ZHX3: variants seen among roughly 807,000 people sequenced by gnomAD.
The protein encoded by ZHX3 is zinc fingers and homeoboxes 3.
ZHX3 carries 20 observed loss-of-function variants against 64.5 expected under a neutral mutation model. That is an observed-to-expected ratio of 0.31 (90% CI 0.22 to 0.45). ZHX3 has a LOEUF of 0.45. Ranked by LOEUF, ZHX3 falls within the 20% of genes least tolerant of loss-of-function variation. The pLI is 1.00. For missense variants in ZHX3, 1,041 were observed against 1,195.8 expected (o/e 0.87, Z 1.91); for synonymous variants, 423 against 461.6 (o/e 0.92, Z 1.07).
chr20:41,285,921 G>C (rs2043914159), intron 1 of ZHX3, among the ~76,000 whole-genome samples: 1 of 152,182 alleles, frequency 6.6e-6, no homozygotes, highest in Admixed American at 6.5e-5. Flanking sequence ...GCCTAGTACA[G>C]AGTAAATGAT....
intron 1 of ZHX3, chr20:41,316,886 C>T (rs1600686868): frequency 6.6e-6 from 1 of 152,442 alleles, no homozygotes; most frequent in East Asian, 1.9e-4. Flanking sequence ...ATCCGAGGAC[C>T]TGGGGCCCAC....
intron 2 of ZHX3, among the ~76,000 whole-genome samples, chr20:41,233,961 C>T: frequency 6.6e-6 from 1 of 152,196 alleles, no homozygotes; most frequent in East Asian, 1.9e-4. Context: ...CTCACCCTTG[C>T]AGATTGTACA....
At chr20:41,265,542 A>C (rs1238905693) in intron 2 of ZHX3, among the ~76,000 whole-genome samples, 1 of 152,152 alleles carries the variant, frequency 6.6e-6, no homozygotes, top group Non-Finnish European at 1.5e-5. Flanking sequence ...TGATCAGTAC[A>C]GAAAAACTTA....
intron 1 of ZHX3, among the ~76,000 whole-genome samples, chr20:41,288,610 C>G (rs1291698895): frequency 6.6e-6 from 1 of 152,186 alleles, no homozygotes; most frequent in African/African-American, 2.4e-5. Context: ...CAAATCTTAG[C>G]TAGCCAGAAT....
At chr20:41,307,004 G>C (rs540889292) in intron 1 of ZHX3, among the ~76,000 whole-genome samples, 1 of 152,200 alleles carries the variant, frequency 6.6e-6, no homozygotes, top group African/African-American at 2.4e-5. Flanking sequence ...CAAGAAATGG[G>C]CTTGCCAAAG....
intron 2 of ZHX3, among the ~76,000 whole-genome samples, chr20:41,220,692 T>TTTTG (rs1555838271): frequency 6.6e-6 from 1 of 151,924 alleles, no homozygotes; most frequent in East Asian, 1.9e-4. Flanking sequence ...TTTTGTTTTG[T>TTTTG]TTTTGTTTTG....
At chr20:41,205,097 T>C in intron 2 of ZHX3, 31 bp from the exon 3 acceptor site, 1 of 1,063,802 alleles carries the variant, frequency 9.4e-7, no homozygotes, top group Non-Finnish European at 1.2e-6. Flanking sequence ...ATGATTAAGT[T>C]CTCTTAAGTG....
intron 3 of ZHX3, among the ~76,000 whole-genome samples, chr20:41,191,792 C>T (rs761470123): frequency 6.6e-6 from 1 of 152,166 alleles, no homozygotes; most frequent in Non-Finnish European, 1.5e-5. Context: ...CTGTGATTTC[C>T]TCAGTGGCTG....
At chr20:41,276,325 GT>G (rs1197356376) in intron 1 of ZHX3, among the ~76,000 whole-genome samples, 1 of 152,028 alleles carries the variant, frequency 6.6e-6, no homozygotes, top group African/African-American at 2.4e-5. Flanking sequence ...GTATATCCTA[GT>G]ACTCCTTAGC....
rs80299165 is a variant in ZHX3 at position 41,284,949 on chromosome 20, C to T, written c.-244-15866G>A. ...TAGTTTTTCCCCTTACTATCTGGTA[C>T]ACCTTTCTTCCTCCATATACTTCCT... On this transcript the variant is annotated intron_variant, in intron 1 of 3. Transcript: ENST00000683867. Among the ~76,000 whole-genome samples the T allele has an allele frequency of 3.6e-3, 545 of 152,234 alleles. 5 individuals carry two copies. Among genetic ancestry groups the T allele is most frequent in the African/African-American group, 0.013 (521 of 41,548 alleles).
chr20:41,229,013 C>T (rs1325997967), intron 2 of ZHX3, among the ~76,000 whole-genome samples: 1 of 152,122 alleles, frequency 6.6e-6, no homozygotes, highest in African/African-American at 2.4e-5. Context: ...CCATCTGCCT[C>T]CAGAACTCTT....
At chr20:41,241,271 G>A (rs62208463) in intron 2 of ZHX3, among the ~76,000 whole-genome samples, 167 of 152,296 alleles carry the variant, frequency 1.1e-3, no homozygotes, top group Non-Finnish European at 2.0e-3. Flanking sequence ...ATGATGCTGA[G>A]CACTTTTTCC....
chr20:41,304,016 C>G lies in ZHX3; in HGVS notation c.-245+13493G>C, dbSNP rs527948568. 4.3e-4 allele frequency among the ~76,000 whole-genome samples: 65 copies of G among 152,282 alleles called. 1 individual carries two copies. The highest frequency in any genetic ancestry group is 1.4e-3 in the African/African-American group (60 of 41,546). On this transcript the variant is annotated intron_variant, in intron 1 of 3. Transcript: ENST00000683867. ...AGAGCTAAATCCAATGGACAACTTC[C>G]AACATTTCTCTTACTTTACCTTTTC...
Position 41,228,660 on chromosome 20 carries a change from A to G in ZHX3, c.-150-23594T>C, listed in dbSNP as rs1161782382. Among the ~76,000 whole-genome samples the G allele has an allele frequency of 6.6e-6, 1 of 152,184 alleles. No homozygotes were observed. Among genetic ancestry groups the G allele is most frequent in the African/African-American group, 2.4e-5 (1 of 41,444 alleles). ...CATGAGAGCTCTATCCCAGTGACCT[A>G]ATTACCCTCCAAATGCCTCACCTCC... On this transcript the variant is annotated intron_variant, in intron 2 of 3. Transcript: ENST00000683867. The surrounding 1 kb of genome is among the most constrained non-coding windows in gnomAD (Gnocchi z 4.6).
At chr20:41,279,961 C>T (rs983496467) in intron 1 of ZHX3, among the ~76,000 whole-genome samples, 7 of 152,126 alleles carry the variant, frequency 4.6e-5, no homozygotes, top group African/African-American at 1.7e-4. Flanking sequence ...ACAGCTGCAT[C>T]CTCCAGTGTT....
intron 2 of ZHX3, among the ~76,000 whole-genome samples, chr20:41,266,746 C>T (rs1024116825): frequency 2.0e-5 from 3 of 151,452 alleles, no homozygotes; most frequent in African/African-American, 7.3e-5. Context: ...AGGGTTTCAC[C>T]GTGTTAGCCA....
At chr20:41,311,119 A>T (rs1304453112) in intron 1 of ZHX3, among the ~76,000 whole-genome samples, 1 of 152,138 alleles carries the variant, frequency 6.6e-6, no homozygotes, top group Non-Finnish European at 1.5e-5. Flanking sequence ...ATTCTCTGAT[A>T]ATTTTTATAA....
chr20:41,187,325 A>C (rs1488689766), intron 3 of ZHX3, among the ~76,000 whole-genome samples: 9 of 846 alleles, frequency 0.011, no homozygotes, highest in East Asian at 0.056. Context: ...ACCTGTCTCA[A>C]AAAAAAAAAA....
intron 3 of ZHX3, among the ~76,000 whole-genome samples, chr20:41,194,018 G>A (rs1172892000): frequency 6.6e-6 from 1 of 152,036 alleles, no homozygotes; most frequent in Non-Finnish European, 1.5e-5. Flanking sequence ...CTACATATAT[G>A]ATCATGTCAT....
Sources: allele counts gnomAD v4.1 joint callset (sites outside exome capture counted in the v4.1 genomes callset), GRCh38; gene constraint gnomAD v4.1.1; non-coding constraint Gnocchi (gnomAD v3.1); transcripts MANE v1.5; gene names NCBI Gene and HGNC (gene_info 2026-07-23, HGNC 2026-07-21).